Variants in PTBP1 observed in about 807,000 individuals in gnomAD.
PTBP1 encodes the protein polypyrimidine tract binding protein 1.
A neutral mutation model predicts 59.8 loss-of-function variants in PTBP1; 8 were observed. That is an observed-to-expected ratio of 0.13 (90% CI 0.08 to 0.24). The LOEUF (loss-of-function observed/expected upper bound fraction) is 0.24, where lower values mean the gene tolerates loss of function less well. PTBP1 is among the 10% of genes least tolerant of loss of function. The pLI is 1.00. For synonymous variants in PTBP1, 490 were observed against 320.7 expected, an observed-to-expected ratio of 1.53 and a Z score of -5.64; for missense variants, 686 against 767.0, an observed-to-expected ratio of 0.89 and a Z score of 1.25.
In PTBP1 at chr19:804,915, C is replaced by T. The variant is rs368749259; in HGVS notation, c.693C>T (p.Pro231=). 6.9e-5 allele frequency: 111 copies of T among 1,613,752 alleles called. No individual in the cohort carries two copies. Among genetic ancestry groups the T allele is most frequent in the Non-Finnish European group, 8.9e-5 (105 of 1,179,868 alleles). The part of the protein sequence containing the change: ...QFQALLQYAD[P]VSAQHAKLSL... ...AGGCCCTGCTGCAGTATGCGGACCC[C>T]GTGAGCGCCCAGCACGCCAAGCTGG... Residue 231 remains proline (P), a synonymous_variant, in exon 7 of 15, where the codon CCC becomes CCT. Coordinates refer to ENST00000356948, the MANE Select transcript of PTBP1 (RefSeq NM_002819.5).
intron 2 of PTBP1, among the ~76,000 whole-genome samples, chr19:802,131 A>C (rs1452899099): frequency 6.6e-6 from 1 of 152,114 alleles, no homozygotes; most frequent in East Asian, 1.9e-4. Context: ...TGGGAGACTC[A>C]GGGCTGCAGT....
chr19:804,996 G>A lies in PTBP1; in HGVS notation c.718-17G>A, dbSNP rs1474449725. The A allele has an allele frequency of 6.2e-7, 1 of 1,612,662 alleles. No homozygotes were observed. ...TGGCCCTGGCCCGGCGACGTCTCAC[G>A]GTCCCTCTCCCCTCAGTCGCTGGAC... On this transcript the variant is annotated splice_polypyrimidine_tract_variant and intron_variant, in intron 7 of 14. Coordinates refer to ENST00000356948, the MANE Select transcript of PTBP1 (RefSeq NM_002819.5).
intron 5 of PTBP1, 32 bp downstream of exon 5, chr19:804,470 CG>C (rs775633404): frequency 1.9e-6 from 3 of 1,598,880 alleles, no homozygotes; most frequent in Non-Finnish European, 8.5e-7. Flanking sequence ...CCCAGCAGCC[CG>C]GGGACCTCGG....
intron 2 of PTBP1, among the ~76,000 whole-genome samples, chr19:801,485 A>T (rs1344136969): frequency 6.6e-6 from 1 of 152,266 alleles, no homozygotes; most frequent in African/African-American, 2.4e-5. Flanking sequence ...GACCGCTCAG[A>T]GGAAGCGGCC....
intron 10 of PTBP1, chr19:807,396 G>A (rs1047158874): frequency 6.3e-6 from 1 of 158,720 alleles, no homozygotes; most frequent in African/African-American, 2.4e-5. Context: ...CAGCAGCGCT[G>A]TCTCTGCCGG....
Position 804,555 on chromosome 19 carries a change from G to C in PTBP1, c.459G>C (p.Ala153=), listed in dbSNP as rs145074159. 6.2e-7 allele frequency: 1 copy of C among 1,606,582 alleles called. No homozygotes were observed. The highest frequency in any genetic ancestry group is 1.7e-5 in the Admixed American group (1 of 59,776). Residue 153 remains alanine, a synonymous_variant, in exon 6 of 15, where the codon GCG becomes GCC. Transcript: ENST00000356948. ...NQARAQAALQ[A]VNSVQSGNLA... ...AGCGGGCCCAGGCGGCCCTGCAGGC[G>C]GTGAACTCGGTCCAGTCGGGGAACC...
intron 8 of PTBP1, 147 bp from the exon 9 acceptor site, chr19:805,345 G>C: frequency 8.4e-7 from 1 of 1,197,384 alleles, no homozygotes; most frequent in Non-Finnish European, 1.2e-6. Flanking sequence ...CCCACGTCGG[G>C]ACCACGGCCC....
intron 13 of PTBP1, among the ~76,000 whole-genome samples, chr19:810,150 T>C (rs1350202946): frequency 6.6e-6 from 1 of 152,046 alleles, no homozygotes; most frequent in Non-Finnish European, 1.5e-5. Context: ...CTACTAAAAA[T>C]AAAAAAATTA....
chr19:811,833 G>A lies in PTBP1; in HGVS notation c.*1007G>A, dbSNP rs2034891981. 6.6e-6 allele frequency: 1 copy of A among 152,434 alleles called. No homozygotes were observed. Among genetic ancestry groups the A allele is most frequent in the African/African-American group, 2.4e-5 (1 of 41,444 alleles). 9.4% of individuals were successfully genotyped at this position (152,434 alleles called of 1,614,324 possible). ...CTAGAAAACTTGCTCTCAAACTTCA[G>A]GGTTTTTTCTTCCTTCAAATTTTGG... On this transcript the variant is annotated 3_prime_UTR_variant, in exon 15 of 15. Transcript: ENST00000356948.
At chr19:809,543 A>T (rs1455066316) in intron 13 of PTBP1, among the ~76,000 whole-genome samples, 1 of 151,606 alleles carries the variant, frequency 6.6e-6, no homozygotes, top group Non-Finnish European at 1.5e-5. Flanking sequence ...GATGGTGTCG[A>T]TCTCCTGACT....
chr19:805,479 C>T lies in PTBP1; in HGVS notation c.893-13C>T. The stretch of plus-strand genomic sequence containing the variant: ...GTTGTGGGTGCGATGATTAGTGTCT[C>T]ATTTATTTCTAGGTGCACCTGGTAT... On this transcript the variant is annotated splice_polypyrimidine_tract_variant and intron_variant, in intron 8 of 14. Transcript: ENST00000356948. The T allele has an allele frequency of 6.2e-7, 1 of 1,609,654 alleles. No homozygotes were observed. Among genetic ancestry groups the T allele is most frequent in the Non-Finnish European group, 8.5e-7 (1 of 1,175,960 alleles).
rs1352000694 is a variant in PTBP1, at chr19:811,089, C to T, written c.*263C>T. On this transcript the variant is annotated 3_prime_UTR_variant, in exon 15 of 15. Transcript: ENST00000356948. Reference sequence around the variant, plus strand: ...CGGGGCCAGACCCTCGGGGCCATGCCTTGGTGGGGCCTGTGTCGGGCGTGG... The same window carrying T: ...CGGGGCCAGACCCTCGGGGCCATGCTTTGGTGGGGCCTGTGTCGGGCGTGG... 1 of 377,692 alleles carries T rather than the reference C, an allele frequency of 2.6e-6. No individual in the cohort carries two copies. Among genetic ancestry groups the T allele is most frequent in the South Asian group, 5.7e-5 (1 of 17,686 alleles). 23.4% of individuals were successfully genotyped at this position (377,692 alleles called of 1,614,324 possible).
Position 799,462 on chromosome 19 carries a change from G to C in PTBP1, c.39+19G>C, listed in dbSNP as rs754775474. 1.2e-6 allele frequency: 2 copies of C among 1,613,282 alleles called. No individual in the cohort carries two copies. ...TACAAAGGTAGGCACTTCTCACTTTGCTTCTCCGTGACGCTCCTCTGACCT... is the reference window on the plus strand; with the variant it reads ...TACAAAGGTAGGCACTTCTCACTTTCCTTCTCCGTGACGCTCCTCTGACCT... On this transcript the variant is annotated intron_variant, in intron 2 of 14. Transcript: ENST00000356948.
rs751894484 is a variant in PTBP1 at position 804,669 on chromosome 19, C to T, written c.573C>T (p.Leu191=). 6.2e-7 allele frequency: 1 copy of T among 1,612,978 alleles called. No individual in the cohort carries two copies. Among genetic ancestry groups the T allele is most frequent in the Admixed American group, 1.7e-5 (1 of 59,976 alleles). Residue 191 remains leucine (L), a synonymous_variant, in exon 6 of 15, where the codon CTC becomes CTT. Transcript: ENST00000356948. The part of the protein sequence containing the change: ...SPVLRIIVEN[L]FYPVTLDVLH... ...TGCTCAGGATCATCGTGGAGAACCT[C>T]TTCTACCCTGTGACCCTGGATGTGC... is the stretch of plus-strand genomic sequence containing the variant.
In PTBP1 at chr19:812,169, T is replaced by G. The variant is rs1176765940; in HGVS notation, c.*1343T>G. On this transcript the variant is annotated 3_prime_UTR_variant, in exon 15 of 15. Transcript: ENST00000356948. ...GGACCCCACGCACATTCCGTTGCCT[T>G]ACCCGATGGCTTGTGACGCGGAGAG... 1 of 152,446 alleles carries G rather than the reference T, an allele frequency of 6.6e-6. No homozygotes were observed. The highest frequency in any genetic ancestry group is 1.5e-5 in the Non-Finnish European group (1 of 68,044). 9.4% of individuals were successfully genotyped at this position (152,446 alleles called of 1,614,324 possible). A position where few individuals can be genotyped will look rare whatever the true frequency, so the allele number is the denominator to read the frequency against.
chr19:810,306 G>GA (rs147256862), intron 13 of PTBP1, among the ~76,000 whole-genome samples: 41,570 of 150,226 alleles, frequency 0.28, 6,008 homozygotes, highest in Admixed American at 0.39. Flanking sequence ...ATTCCATCTG[G>GA]AAAAAAAAAA....
chr19:808,833 C>T lies in PTBP1; in HGVS notation c.1463+71C>T, dbSNP rs989623645. 7.2e-5 allele frequency: 102 copies of T among 1,423,522 alleles called. No individual in the cohort carries two copies. Among genetic ancestry groups the T allele is most frequent in the Admixed American group, 1.2e-4 (6 of 50,812 alleles). 88.2% of individuals were successfully genotyped at this position (1,423,522 alleles called of 1,614,324 possible). A position where few individuals can be genotyped will look rare whatever the true frequency, so the allele number is the denominator to read the frequency against. On this transcript the variant is annotated intron_variant, in intron 13 of 14. Coordinates refer to ENST00000356948, the MANE Select transcript of PTBP1 (RefSeq NM_002819.5). This position sits in a 1 kb window ranked among gnomAD's most constrained non-coding sequence, Gnocchi z 4.7. ...GCTCTGCTTGGCTGTCCTACCGCGT[C>T]GGTGTGTGGACTTCTGGCGTTTCCA... is the stretch of plus-strand genomic sequence containing the variant.
chr19:801,158 A>G (rs930142698), intron 2 of PTBP1, among the ~76,000 whole-genome samples: 1 of 152,156 alleles, frequency 6.6e-6, no homozygotes, highest in African/African-American at 2.4e-5. Flanking sequence ...CCAGCTGCAG[A>G]CTGGAAGTCC....
rs14613 is a variant in PTBP1 at position 812,209 on chromosome 19, G to T, written c.*1383G>T. 5.2e-3 allele frequency: 795 copies of T among 152,602 alleles called. 9 individuals are homozygous for T. Among genetic ancestry groups the T allele is most frequent in the Admixed American group, 9.7e-3 (148 of 15,294 alleles). 9.5% of individuals were successfully genotyped at this position (152,602 alleles called of 1,614,324 possible). A position where few individuals can be genotyped will look rare whatever the true frequency, so the allele number is the denominator to read the frequency against. ...GACGCGGAGAGAACCGATTAAAACC[G>T]TTTGAGAAACTCCTCCCTTGTCTAG... On this transcript the variant is annotated 3_prime_UTR_variant, in exon 15 of 15. Transcript: ENST00000356948.
Sources: gnomAD v4.1 joint callset for allele counts (sites outside exome capture counted in the v4.1 genomes callset) on GRCh38, gnomAD v4.1.1 for gene constraint, Gnocchi (gnomAD v3.1) non-coding constraint, MANE v1.5 for transcripts, NCBI Gene and HGNC (gene_info 2026-07-23, HGNC 2026-07-21) for gene names.